Variants in ESCO1 observed in about 807,000 individuals in gnomAD.
ESCO1 encodes N-acetyltransferase ESCO1.
A neutral mutation model predicts 83.5 loss-of-function variants in ESCO1; 33 were observed. The ratio of observed to expected loss-of-function variants is 0.40; its 90% confidence interval spans 0.30 to 0.53. The LOEUF is 0.53. ESCO1 is among the 20% of genes least tolerant of loss of function. The probability of loss-of-function intolerance (pLI) is 0.63; values close to 1 mark genes in which losing one functional copy is unlikely to be tolerated. For missense variants in ESCO1, 855 were observed against 968.0 expected (o/e 0.88, Z 1.55); for synonymous variants, 332 against 324.3 (o/e 1.02, Z -0.25).
intron 2 of ESCO1, among the ~76,000 whole-genome samples, chr18:21,581,528 T>C (rs2038502557): frequency 6.6e-6 from 1 of 150,458 alleles, no homozygotes; most frequent in Admixed American, 6.6e-5. Flanking sequence ...GGAGAATCGT[T>C]GGAACCCGGG....
chr18:21,551,828 T>C (rs1245614039), intron 8 of ESCO1, among the ~76,000 whole-genome samples: 1 of 152,114 alleles, frequency 6.6e-6, no homozygotes, highest in Non-Finnish European at 1.5e-5. Flanking sequence ...AAACTACAGT[T>C]TCAAACCCAA....
chr18:21,543,167 T>C (rs1464271592), intron 8 of ESCO1, among the ~76,000 whole-genome samples: 1 of 152,152 alleles, frequency 6.6e-6, no homozygotes, highest in Non-Finnish European at 1.5e-5. Flanking sequence ...TATTTATTTT[T>C]TTTTTTGAGA....
Position 21,598,543 on chromosome 18 carries a change from T to C in ESCO1, c.-825+2080A>G, listed in dbSNP as rs1240638405. 9.1e-4 allele frequency among the ~76,000 whole-genome samples: 4 copies of C among 4,380 alleles called. No individual in the cohort carries two copies. In the Non-Finnish European group the frequency reaches 0.026, roughly 28 times the overall value. 2.9% of individuals were successfully genotyped at this position (4,380 alleles called of 152,430 possible). ...GGTGAAACCCTATCTCTACTAAAAA[T>C]ACAAAAAAATTAGCCGGGCATGGTG... On this transcript the variant is annotated intron_variant, in intron 1 of 11. Transcript: ENST00000269214.
intron 8 of ESCO1, among the ~76,000 whole-genome samples, chr18:21,544,472 A>C (rs1213522611): frequency 9.4e-5 from 14 of 148,892 alleles, no homozygotes; most frequent in African/African-American, 3.3e-4. Flanking sequence ...ACAAAAAAAA[A>C]ACAAAAACTA....
chr18:21,576,973 CAGTGAGCTGAGATTGT>C (rs1405659594), intron 2 of ESCO1, among the ~76,000 whole-genome samples: 2 of 151,458 alleles, frequency 1.3e-5, no homozygotes, highest in Non-Finnish European at 2.9e-5. Context: ...GTGGAGGTTG[CAGTGAGCTGAGATTGT>C]GCCACTGCAC....
At chr18:21,597,494 TA>T (rs558952428) in intron 1 of ESCO1, among the ~76,000 whole-genome samples, 260 of 138,254 alleles carry the variant, frequency 1.9e-3, no homozygotes, top group Non-Finnish European at 1.7e-3. Flanking sequence ...CCACTGTTAC[TA>T]AAAAAAAAAA....
intron 1 of ESCO1, among the ~76,000 whole-genome samples, chr18:21,594,865 A>C (rs960758962): frequency 6.6e-6 from 1 of 152,064 alleles, no homozygotes; most frequent in African/African-American, 2.4e-5. Flanking sequence ...CTTAAAAGCA[A>C]CAAGTATTTG....
intron 1 of ESCO1, among the ~76,000 whole-genome samples, chr18:21,598,853 A>C (rs2038800822): frequency 6.6e-6 from 1 of 152,184 alleles, no homozygotes; most frequent in Non-Finnish European, 1.5e-5. Flanking sequence ...TTCCAAAGTC[A>C]CATATCTGAC....
intron 9 of ESCO1, among the ~76,000 whole-genome samples, chr18:21,538,683 T>G (rs1033410865): frequency 1.4e-4 from 22 of 152,316 alleles, no homozygotes; most frequent in Admixed American, 2.6e-4. Flanking sequence ...GAAGTATTCT[T>G]AAGTTTAAAG....
In ESCO1 at chr18:21,536,043, C is replaced by T; in HGVS notation, c.2186G>A (p.Trp729Ter). 2 of 1,613,522 alleles carry T rather than the reference C, an allele frequency of 1.2e-6. No homozygotes were observed. The highest frequency in any genetic ancestry group is 1.7e-6 in the Non-Finnish European group (2 of 1,179,804). Reference protein sequence around the residue: ...VGCLIAEHIQWGYRVIEEKLP... With the variant: ...VGCLIAEHIQ ...TAAGAACACTCTTTTATCACTTACC[C>T]ATTGGATATGTTCCGCAATTAGGCA... Residue 729 changes from tryptophan to a stop codon, truncating the protein, a stop_gained and splice_region_variant, in exon 10 of 12, where the codon TGG (tryptophan) becomes TAG (stop). Coordinates refer to ENST00000269214, the MANE Select transcript of ESCO1 (RefSeq NM_052911.3). LOFTEE classifies it high-confidence loss of function.
intron 8 of ESCO1, among the ~76,000 whole-genome samples, chr18:21,551,375 G>A (rs963825126): frequency 2.0e-5 from 3 of 151,946 alleles, no homozygotes; most frequent in Non-Finnish European, 4.4e-5. Context: ...AGCTTGTAGT[G>A]AGCCGAGATT....
intron 1 of ESCO1, among the ~76,000 whole-genome samples, chr18:21,592,085 T>C (rs370575757): frequency 6.6e-6 from 1 of 151,304 alleles, no homozygotes; most frequent in Middle Eastern, 3.2e-3. Context: ...CACACAGACA[T>C]GGCAACCATC....
intron 8 of ESCO1, among the ~76,000 whole-genome samples, chr18:21,557,542 T>G (rs572647169): frequency 2.2e-4 from 34 of 152,368 alleles, no homozygotes; most frequent in Admixed American, 1.8e-3. Context: ...GATCTTTTAT[T>G]AACTTTTCAT....
intron 1 of ESCO1, among the ~76,000 whole-genome samples, chr18:21,592,775 G>A (rs1304607906): frequency 1.4e-5 from 2 of 146,194 alleles, no homozygotes; most frequent in Admixed American, 6.8e-5. Flanking sequence ...CCGGGCGGAG[G>A]GGCTCCTCAC....
chr18:21,541,888 T>C (rs1344511086), intron 8 of ESCO1, among the ~76,000 whole-genome samples: 5 of 152,190 alleles, frequency 3.3e-5, no homozygotes, highest in Non-Finnish European at 5.9e-5. Context: ...TATTTTCCTA[T>C]TAAATGCCTT....
chr18:21,535,573 AG>A (rs2037826292), intron 10 of ESCO1, among the ~76,000 whole-genome samples: 1 of 152,068 alleles, frequency 6.6e-6, no homozygotes, highest in Non-Finnish European at 1.5e-5. Context: ...CAGTAGAGAA[AG>A]GGTTTCACCG....
chr18:21,540,542 A>C (rs746363448), intron 8 of ESCO1: 3 of 1,287,708 alleles, frequency 2.3e-6, no homozygotes, highest in East Asian at 9.7e-5. Flanking sequence ...CAACTACCAA[A>C]GCCACAAGAA....
At chr18:21,536,572 C>CA (rs2037840295) in intron 9 of ESCO1, among the ~76,000 whole-genome samples, 1 of 136,750 alleles carries the variant, frequency 7.3e-6, no homozygotes, top group Non-Finnish European at 1.5e-5. Context: ...GCCTGGGTGA[C>CA]AGAGTGAGAC....
chr18:21,570,904 G>A (rs1333748656), intron 4 of ESCO1, among the ~76,000 whole-genome samples: 1 of 151,632 alleles, frequency 6.6e-6, no homozygotes, highest in Admixed American at 6.6e-5. Flanking sequence ...GTGAACCCAG[G>A]AGGCGGAGCC....
Sources: allele counts gnomAD v4.1 joint callset (sites outside exome capture counted in the v4.1 genomes callset), GRCh38; gene constraint gnomAD v4.1.1; transcripts MANE v1.5; gene names NCBI Gene and HGNC (gene_info 2026-07-23, HGNC 2026-07-21).